Variants in DYRK1A observed in about 807,000 individuals in gnomAD.
DYRK1A encodes dual specificity tyrosine phosphorylation regulated kinase 1A, also known as dual specificity tyrosine-phosphorylation-regulated kinase 1A.
In DYRK1A, 9 loss-of-function variants were observed where a neutral mutation model predicts 79.7. The ratio of observed to expected loss-of-function variants is 0.11; its 90% confidence interval spans 0.07 to 0.20. DYRK1A has a LOEUF of 0.20. DYRK1A is among the 10% of genes least tolerant of loss of function. The probability of loss-of-function intolerance (pLI) is 1.00; values close to 1 mark genes in which losing one functional copy is unlikely to be tolerated. For synonymous variants in DYRK1A, 349 were observed against 329.7 expected (o/e 1.06, Z -0.63); for missense variants, 622 against 956.0 (o/e 0.65, Z 4.61).
At chr21:37,453,154 A>G (rs2051514872) in intron 2 of DYRK1A, among the ~76,000 whole-genome samples, 1 of 152,182 alleles carries the variant, frequency 6.6e-6, no homozygotes, top group Non-Finnish European at 1.5e-5. Context: ...AATTAAACTT[A>G]AATATATTTT....
At chr21:37,479,424 G>A (rs959400313) in intron 4 of DYRK1A, among the ~76,000 whole-genome samples, 3 of 150,972 alleles carry the variant, frequency 2.0e-5, no homozygotes, top group Non-Finnish European at 4.4e-5. Flanking sequence ...CTTTCTTGGA[G>A]CTTGTTTTTA....
chr21:37,513,867 A>G lies in DYRK1A; in HGVS notation c.*1336A>G, dbSNP rs1219096727. On this transcript the variant is annotated 3_prime_UTR_variant, in exon 12 of 12. Coordinates refer to ENST00000647188, the MANE Select transcript of DYRK1A (RefSeq NM_001347721.2). Reference sequence around the variant, plus strand: ...CATAGATGTCTGTAACCAATAATGTAGCAGTTCTGCACTTTGACACAAGGT... The same window carrying G: ...CATAGATGTCTGTAACCAATAATGTGGCAGTTCTGCACTTTGACACAAGGT... The G allele has an allele frequency of 6.6e-6, 1 of 152,662 alleles. No individual in the cohort carries two copies. Among genetic ancestry groups the G allele is most frequent in the African/African-American group, 2.4e-5 (1 of 41,460 alleles). 9.5% of individuals were successfully genotyped at this position (152,662 alleles called of 1,614,324 possible).
At chr21:37,404,810 G>A (rs1471977719) in intron 1 of DYRK1A, among the ~76,000 whole-genome samples, 1 of 152,204 alleles carries the variant, frequency 6.6e-6, no homozygotes, top group African/African-American at 2.4e-5. Flanking sequence ...GATATGTGAG[G>A]ATTACTGTTT....
chr21:37,494,958 A>G (rs2053215263), intron 8 of DYRK1A, among the ~76,000 whole-genome samples: 1 of 151,712 alleles, frequency 6.6e-6, no homozygotes, highest in African/African-American at 2.4e-5. Context: ...AAAAAAAAAA[A>G]AATTGTGTGT....
rs187047235 is a variant in DYRK1A, at chr21:37,493,371, C to T, written c.1071+208C>T. Among the ~76,000 whole-genome samples the T allele has an allele frequency of 1.3e-4, 20 of 152,052 alleles. No individual in the cohort carries two copies. The East Asian group carries it at 3.9e-3, about 29-fold the overall frequency. On this transcript the variant is annotated intron_variant, in intron 8 of 11. Coordinates refer to ENST00000647188, the MANE Select transcript of DYRK1A (RefSeq NM_001347721.2). ...GATAGGAGTAGGATATTTTAATCTA[C>T]TCATGAAGGAGAACAGTTAGAAAGT... is the stretch of plus-strand genomic sequence containing the variant.
At chr21:37,373,244 C>A (rs1372371839) in intron 1 of DYRK1A, among the ~76,000 whole-genome samples, 1 of 152,102 alleles carries the variant, frequency 6.6e-6, no homozygotes, top group Non-Finnish European at 1.5e-5. Context: ...TGAAATGAGA[C>A]ACTATAATGA....
rs1555953897 is a variant in DYRK1A at position 37,398,076 on chromosome 21, A to AATAT, written c.-76-22212_-76-22209dup. On this transcript the variant is annotated intron_variant, in intron 1 of 11. Coordinates refer to ENST00000647188, the MANE Select transcript of DYRK1A (RefSeq NM_001347721.2). Reference sequence around the variant, plus strand: ...GCAAGACCTCATCTCTTAAAAAAAAAATATATATATATATTTATATTTATA... The same window carrying AATAT: ...GCAAGACCTCATCTCTTAAAAAAAAAATATATATATATATATATTTATATTTATA... 1.2e-4 allele frequency among the ~76,000 whole-genome samples: 18 copies of AATAT among 145,744 alleles called. 1 individual carries two copies. The highest frequency in any genetic ancestry group is 6.2e-4 in the Admixed American group (9 of 14,460).
intron 11 of DYRK1A, 92 bp from the exon 12 acceptor site, chr21:37,511,819 G>A: frequency 7.1e-7 from 1 of 1,401,428 alleles, no homozygotes; most frequent in South Asian, 1.4e-5. Flanking sequence ...TGATTAATAT[G>A]ATGCTAGTTT....
chr21:37,386,258 A>G (rs1490202529), intron 1 of DYRK1A, among the ~76,000 whole-genome samples: 2 of 152,206 alleles, frequency 1.3e-5, no homozygotes, highest in Non-Finnish European at 1.5e-5. Flanking sequence ...TAAAGTGCAC[A>G]ATAAATGTAG....
intron 2 of DYRK1A, among the ~76,000 whole-genome samples, chr21:37,453,908 A>C (rs763836720): frequency 3.9e-4 from 59 of 152,096 alleles, no homozygotes; most frequent in Non-Finnish European, 1.2e-4. Context: ...TACTTTCTAT[A>C]CTAAAAATTG....
chr21:37,472,626 A>C, intron 2 of DYRK1A, 58 bp from the exon 3 acceptor site: 1 of 1,383,902 alleles, frequency 7.2e-7, no homozygotes, highest in South Asian at 1.7e-5. Context: ...AGATATGTCA[A>C]ATGATACAAA....
intron 5 of DYRK1A, among the ~76,000 whole-genome samples, chr21:37,483,534 C>A (rs1227566745): frequency 6.6e-6 from 1 of 151,996 alleles, no homozygotes; most frequent in African/African-American, 2.4e-5. Context: ...TCTTTTTCTT[C>A]TGAGGGGGTT....
At chr21:37,434,854 G>A (rs911773270) in intron 2 of DYRK1A, among the ~76,000 whole-genome samples, 1 of 152,116 alleles carries the variant, frequency 6.6e-6, no homozygotes, top group African/African-American at 2.4e-5. Context: ...CATGCTTTGT[G>A]TGATTTCTCT....
In DYRK1A at chr21:37,519,831, T is replaced by G. The variant is rs1052006269; in HGVS notation, c.*7300T>G. 1 of 142,572 alleles carries G rather than the reference T, an allele frequency of 7.0e-6. No homozygotes were observed. The highest frequency in any genetic ancestry group is 7.5e-5 in the Admixed American group (1 of 13,410). 8.8% of individuals were successfully genotyped at this position (142,572 alleles called of 1,614,324 possible). On this transcript the variant is annotated 3_prime_UTR_variant, in exon 12 of 12. Transcript: ENST00000647188. Reference sequence around the variant, plus strand: ...ATCTCGGCTCACTGCAAGCTCCGCCTCCTGGGTTCACGCCATTCGCCTGCC... The same window carrying G: ...ATCTCGGCTCACTGCAAGCTCCGCCGCCTGGGTTCACGCCATTCGCCTGCC...
At chr21:37,505,726 T>A in intron 10 of DYRK1A, 137 bp downstream of exon 10, 1 of 957,018 alleles carries the variant, frequency 1.0e-6, no homozygotes, top group Non-Finnish European at 1.5e-6. Flanking sequence ...TCTTTGTAGT[T>A]AGTAGTAAAT....
chr21:37,494,659 T>C (rs1363830235), intron 8 of DYRK1A, among the ~76,000 whole-genome samples: 1 of 152,102 alleles, frequency 6.6e-6, no homozygotes, highest in African/African-American at 2.4e-5. Flanking sequence ...TAATTATTTA[T>C]TGATAATGCC....
intron 1 of DYRK1A, among the ~76,000 whole-genome samples, chr21:37,374,073 G>T (rs1476312336): frequency 1.3e-5 from 2 of 152,086 alleles, no homozygotes; most frequent in Non-Finnish European, 2.9e-5. Flanking sequence ...GGGATTTTGG[G>T]TCTAATAACA....
chr21:37,446,719 A>T (rs554384028), intron 2 of DYRK1A, among the ~76,000 whole-genome samples: 137 of 152,278 alleles, frequency 9.0e-4, no homozygotes, highest in African/African-American at 2.4e-3. Flanking sequence ...GCCTTGGAAA[A>T]GGTCAGGGTC....
chr21:37,378,509 G>A (rs536876649), intron 1 of DYRK1A, among the ~76,000 whole-genome samples: 1 of 152,194 alleles, frequency 6.6e-6, no homozygotes, highest in Admixed American at 6.5e-5. Flanking sequence ...CTCCAGCCTG[G>A]GCAACAAGAG....
Sources: gnomAD v4.1 joint callset for allele counts (sites outside exome capture counted in the v4.1 genomes callset) on GRCh38, gnomAD v4.1.1 for gene constraint, MANE v1.5 for transcripts, NCBI Gene and HGNC (gene_info 2026-07-23, HGNC 2026-07-21) for gene names.